CDC25C: variants seen among roughly 807,000 people sequenced by gnomAD.
CDC25C encodes the protein M-phase inducer phosphatase 3.
In CDC25C, 48 loss-of-function variants were observed where a neutral mutation model predicts 52.5. The ratio of observed to expected loss-of-function variants is 0.91; its 90% CI spans 0.72 to 1.16. CDC25C has a LOEUF of 1.16. Ranked by LOEUF, CDC25C falls within the 50% of genes most tolerant of loss-of-function variation. CDC25C has a pLI of 0.00. For synonymous variants in CDC25C, 187 were observed against 206.5 expected (o/e 0.91, Z 0.81); for missense variants, 510 against 566.1 (o/e 0.90, Z 1.01).
intron 7 of CDC25C, 98 bp downstream of exon 7, chr5:138,319,121 G>T: frequency 9.5e-7 from 1 of 1,047,400 alleles, no homozygotes; most frequent in Non-Finnish European, 1.4e-6. Context: ...TTATTTTTTT[G>T]CTCAAATAAA....
At chr5:138,317,512 G>A (rs965058651) in intron 7 of CDC25C, among the ~76,000 whole-genome samples, 4 of 150,994 alleles carry the variant, frequency 2.6e-5, no homozygotes, top group African/African-American at 7.3e-5. Context: ...AAACCACATC[G>A]CTACAAAAAA....
chr5:138,329,860 A>T (rs1027370902), intron 2 of CDC25C, among the ~76,000 whole-genome samples: 1 of 150,794 alleles, frequency 6.6e-6, no homozygotes, highest in Non-Finnish European at 1.5e-5. Context: ...CCTCCCAAAT[A>T]GCTGGGATCA....
rs751778070 is a variant in CDC25C, at chr5:138,287,208, A to G, written c.987T>C (p.Asp329=). ...CCAGATACTCATATGGATAGCGACA[A>G]TCAATGACATAAAACTTCTCAATCA... ...QGLIEKFYVI[D]CRYPYEYLGG... Residue 329 remains aspartate (D), a synonymous_variant, in exon 11 of 14, where the codon GAT becomes GAC. Transcript: ENST00000323760. The G allele has an allele frequency of 1.7e-5, 27 of 1,613,976 alleles. No individual in the cohort carries two copies. In the South Asian group the frequency reaches 3.0e-4, roughly 18 times the overall value.
intron 7 of CDC25C, among the ~76,000 whole-genome samples, chr5:138,304,936 A>G (rs1757892632): frequency 6.6e-6 from 1 of 152,198 alleles, no homozygotes; most frequent in South Asian, 2.1e-4. Flanking sequence ...TTGTACTTAG[A>G]ATAGAATCCA....
In CDC25C at chr5:138,290,689, T is replaced by C. The variant is rs762728822; in HGVS notation, c.814A>G (p.Met272Val). ...CCCTGGTTAGAATCTTCCTCCAGCA[T>C]CTGAGTGATAGTAATGTCACACAGA... ...VSLCDITITQ[M>V]LEEDSNQGHL... The change falls in exon 9 of 14, where the codon ATG becomes GTG. Residue 272 changes from methionine to valine, a missense_variant. Coordinates refer to ENST00000323760, the MANE Select transcript of CDC25C (RefSeq NM_001790.5). The C allele has an allele frequency of 6.2e-7, 1 of 1,613,056 alleles. No homozygotes were observed. The highest frequency in any genetic ancestry group is 1.1e-5 in the South Asian group (1 of 91,046).
chr5:138,311,694 T>C (rs537443476), intron 7 of CDC25C, among the ~76,000 whole-genome samples: 1 of 152,226 alleles, frequency 6.6e-6, no homozygotes, highest in East Asian at 1.9e-4. Flanking sequence ...ACAAAAAAAG[T>C]GGATAAATTA....
At chr5:138,308,534 T>C (rs940088296) in intron 7 of CDC25C, among the ~76,000 whole-genome samples, 5 of 152,198 alleles carry the variant, frequency 3.3e-5, no homozygotes, top group Non-Finnish European at 5.9e-5. Flanking sequence ...GCTCTTTTTT[T>C]CGGAAGCCCT....
At chr5:138,287,394 C>T in intron 10 of CDC25C, 127 bp from the exon 11 acceptor site, 1 of 600,728 alleles carries the variant, frequency 1.7e-6, no homozygotes, top group Admixed American at 2.7e-5. Context: ...AAAGTCACCC[C>T]ATATTTGATA....
At chr5:138,338,135 AC>A in exon 1 of CDC25C, 1 of 1,289,772 alleles carries the variant, frequency 7.8e-7, no homozygotes, top group East Asian at 5.6e-5. Context: ...GAGAGACACG[AC>A]ACGGAGCTGC....
intron 7 of CDC25C, among the ~76,000 whole-genome samples, chr5:138,313,379 CAAAAAAA>C (rs774904685): frequency 4.8e-3 from 178 of 37,060 alleles, no homozygotes; most frequent in African/African-American, 8.7e-3. Context: ...CTATATCTCA[CAAAAAAA>C]AAAAAAAAAA....
In CDC25C at chr5:138,285,668, T is replaced by C. The variant is rs773508800; in HGVS notation, c.*24A>G. The stretch of plus-strand genomic sequence containing the variant: ...TCTGCAGTGTCTTTTGGTGACTTGT[T>C]AGCAGCCAGTGGCTGGAATGTTATC... On this transcript the variant is annotated 3_prime_UTR_variant, in exon 14 of 14. Transcript: ENST00000323760. 18 of 1,611,446 alleles carry C rather than the reference T, an allele frequency of 1.1e-5. 1 individual carries two copies. In the South Asian group the frequency reaches 2.0e-4, roughly 18 times the overall value.
At chr5:138,305,749 T>C (rs1473911935) in intron 7 of CDC25C, among the ~76,000 whole-genome samples, 3 of 152,358 alleles carry the variant, frequency 2.0e-5, no homozygotes, top group Admixed American at 2.0e-4. Context: ...ACAATTTGGC[T>C]GCCTAACATA....
At chr5:138,325,994 A>C in intron 5 of CDC25C, 27 bp downstream of exon 5, 1 of 1,614,052 alleles carries the variant, frequency 6.2e-7, no homozygotes, top group Non-Finnish European at 8.5e-7. Flanking sequence ...AAGCAAAACA[A>C]AACCCAAAAA....
At chr5:138,307,036 G>A (rs192602806) in intron 7 of CDC25C, among the ~76,000 whole-genome samples, 2 of 150,056 alleles carry the variant, frequency 1.3e-5, no homozygotes, top group East Asian at 2.0e-4. Context: ...TAGAGACGGG[G>A]TTTTGCCATG....
intron 7 of CDC25C, among the ~76,000 whole-genome samples, chr5:138,308,726 TTAAAAA>T (rs1356016805): frequency 6.6e-6 from 1 of 152,048 alleles, no homozygotes; most frequent in African/African-American, 2.4e-5. Context: ...ACCAATGAAA[TTAAAAA>T]TAAAATAGGA....
chr5:138,316,419 C>A (rs1363789132), intron 7 of CDC25C, among the ~76,000 whole-genome samples: 2 of 152,126 alleles, frequency 1.3e-5, no homozygotes, highest in Admixed American at 6.5e-5. Context: ...CAGTGCTGGC[C>A]TTTAGGTGCA....
chr5:138,315,546 T>A (rs1758811511), intron 7 of CDC25C, among the ~76,000 whole-genome samples: 1 of 152,200 alleles, frequency 6.6e-6, no homozygotes, highest in Non-Finnish European at 1.5e-5. Flanking sequence ...ATATATTACA[T>A]GAGGATTACC....
intron 13 of CDC25C, 80 bp from the exon 14 acceptor site, chr5:138,285,921 G>C: frequency 6.5e-7 from 1 of 1,548,018 alleles, no homozygotes. Flanking sequence ...TGCTGCTGCT[G>C]GCAGTGGCTA....
chr5:138,329,437 T>C, intron 3 of CDC25C, 116 bp downstream of exon 3: 1 of 655,984 alleles, frequency 1.5e-6, no homozygotes, highest in Non-Finnish European at 2.6e-6. Context: ...CAAAATTCCA[T>C]CTCTCTAGGC....
Sources: gnomAD v4.1 joint callset for allele counts (sites outside exome capture counted in the v4.1 genomes callset) on GRCh38, gnomAD v4.1.1 for gene constraint, MANE v1.5 for transcripts, NCBI Gene and HGNC (gene_info 2026-07-23, HGNC 2026-07-21) for gene names.